TTC29: variants seen among roughly 807,000 people sequenced by gnomAD.
TTC29 encodes the protein tetratricopeptide repeat domain 29.
Under a neutral mutation model 58.1 loss-of-function variants are expected in TTC29, and 49 were observed. That is an observed-to-expected ratio of 0.84 (90% confidence interval 0.67 to 1.07). TTC29 has a LOEUF of 1.07. Ranked by LOEUF, TTC29 falls within the 50% of genes least tolerant of loss-of-function variation. The pLI is 0.00. For synonymous variants in TTC29, 209 were observed against 196.8 expected, an observed-to-expected ratio of 1.06 and a Z score of -0.52; for missense variants, 582 against 555.6, an observed-to-expected ratio of 1.05 and a Z score of -0.48.
chr4:146,828,883 C>T (rs543462497), intron 9 of TTC29, among the ~76,000 whole-genome samples: 47 of 152,300 alleles, frequency 3.1e-4, no homozygotes, highest in Admixed American at 7.8e-4. Context: ...GAAATATTAA[C>T]ATTATATGCT....
intron 11 of TTC29, among the ~76,000 whole-genome samples, chr4:146,718,558 C>T (rs1208247614): frequency 6.6e-6 from 1 of 152,002 alleles, no homozygotes; most frequent in Non-Finnish European, 1.5e-5. Context: ...AAAATTAGAC[C>T]ATTTGCTTTC....
At chr4:146,859,469 G>A (rs1024871446) in intron 8 of TTC29, among the ~76,000 whole-genome samples, 2 of 152,066 alleles carry the variant, frequency 1.3e-5, no homozygotes, top group African/African-American at 2.4e-5. Context: ...ATTAATGCAA[G>A]TGTATTTGCT....
chr4:146,872,212 G>A (rs976929531), intron 7 of TTC29, among the ~76,000 whole-genome samples: 2 of 151,694 alleles, frequency 1.3e-5, no homozygotes, highest in South Asian at 2.1e-4. Flanking sequence ...ATATGAAGTC[G>A]TACCCTCCTC....
chr4:146,729,883 A>G (rs1398692875), intron 11 of TTC29, among the ~76,000 whole-genome samples: 3 of 151,824 alleles, frequency 2.0e-5, no homozygotes, highest in African/African-American at 7.3e-5. Flanking sequence ...ATCCCCTCCC[A>G]CCATGACCCT....
intron 11 of TTC29, among the ~76,000 whole-genome samples, chr4:146,795,627 T>C (rs568305367): frequency 1.3e-5 from 2 of 152,096 alleles, no homozygotes; most frequent in African/African-American, 4.8e-5. Context: ...CATGAATATA[T>C]TTTTTCTAAA....
At chr4:146,781,908 T>C (rs1295832738) in intron 11 of TTC29, among the ~76,000 whole-genome samples, 1 of 151,884 alleles carries the variant, frequency 6.6e-6, no homozygotes, top group Non-Finnish European at 1.5e-5. Flanking sequence ...GGGATTCTGA[T>C]AGCCAAGAGA....
intron 11 of TTC29, among the ~76,000 whole-genome samples, chr4:146,797,858 A>ATATATATATATATATATATATATC (rs1749934816): frequency 1.4e-5 from 2 of 144,066 alleles, no homozygotes; most frequent in African/African-American, 5.3e-5. Context: ...ATATATATAT[A>ATATATATATATATATATATATATC]TATTCGTTCT....
chr4:146,939,696 T>C, intron 3 of TTC29, 108 bp downstream of exon 3: 7 of 1,074,402 alleles, frequency 6.5e-6, no homozygotes, highest in Non-Finnish European at 9.4e-6. Context: ...TAACAAGGCA[T>C]TTTTCTCTTC....
In TTC29 at chr4:146,874,854, T is replaced by C. The variant is rs1731156328; in HGVS notation, c.661A>G (p.Thr221Ala). 1 of 1,613,346 alleles carries C rather than the reference T, an allele frequency of 6.2e-7. No individual in the cohort carries two copies. The highest frequency in any genetic ancestry group is 1.3e-5 in the African/African-American group (1 of 74,898). Reference sequence around the variant, plus strand: ...GCCAACAAGTTGAGAGAGCGGCCTGTCTCATCCTTCCATATCCGCCCCTGT... The same window carrying C: ...GCCAACAAGTTGAGAGAGCGGCCTGCCTCATCCTTCCATATCCGCCCCTGT... Reference protein sequence around the residue: ...LTQGRIWKDETGRSLNLLACE... With the variant: ...LTQGRIWKDEAGRSLNLLACE... The change falls in exon 7 of 13, where the codon ACA becomes GCA. Residue 221 changes from threonine to alanine, a missense_variant. Transcript: ENST00000325106.
At chr4:146,908,835 C>T (rs1330981520) in intron 5 of TTC29, among the ~76,000 whole-genome samples, 191 bp downstream of exon 5, 3 of 152,182 alleles carry the variant, frequency 2.0e-5, no homozygotes, top group Non-Finnish European at 2.9e-5. Flanking sequence ...ACCAGAATGC[C>T]CCCGTGTCTG....
intron 11 of TTC29, among the ~76,000 whole-genome samples, chr4:146,788,500 C>T (rs1404209015): frequency 2.6e-5 from 4 of 152,070 alleles, no homozygotes; most frequent in African/African-American, 7.2e-5. Flanking sequence ...GCATGTGATT[C>T]GTAATATAGC....
At chr4:146,738,732 C>T (rs1744903571) in intron 11 of TTC29, among the ~76,000 whole-genome samples, 1 of 152,100 alleles carries the variant, frequency 6.6e-6, no homozygotes, top group Non-Finnish European at 1.5e-5. Flanking sequence ...TAATCTTACC[C>T]AGCCTTTGTG....
chr4:146,829,017 CA>C (rs1727989499), intron 9 of TTC29, among the ~76,000 whole-genome samples: 1 of 152,120 alleles, frequency 6.6e-6, no homozygotes, highest in African/African-American at 2.4e-5. Flanking sequence ...AGTTAAAGGA[CA>C]AGGTTAAAAT....
chr4:146,793,787 T>C (rs921443612), intron 11 of TTC29, among the ~76,000 whole-genome samples: 3 of 152,152 alleles, frequency 2.0e-5, no homozygotes, highest in Non-Finnish European at 4.4e-5. Flanking sequence ...AGCTGAAGTT[T>C]TTTAAAAAAG....
chr4:146,746,997 C>T (rs75209869), intron 11 of TTC29, among the ~76,000 whole-genome samples: 2,621 of 152,204 alleles, frequency 0.017, 74 homozygotes, highest in African/African-American at 0.06. Context: ...GGGAAGGAAA[C>T]ATGTCACCTC....
chr4:146,868,379 T>TA (rs1219170033), intron 7 of TTC29, among the ~76,000 whole-genome samples: 1 of 152,072 alleles, frequency 6.6e-6, no homozygotes, highest in East Asian at 1.9e-4. Flanking sequence ...TAATAATAAT[T>TA]AAAAAAAGCT....
At chr4:146,904,780 A>G (rs1450415928) in intron 5 of TTC29, among the ~76,000 whole-genome samples, 2 of 152,186 alleles carry the variant, frequency 1.3e-5, no homozygotes, top group African/African-American at 2.4e-5. Flanking sequence ...AGAGATTACA[A>G]TTATGAAAAA....
rs1409642448 is a variant in TTC29 at position 146,706,689 on chromosome 4, G to C, written c.*469C>G. The C allele has an allele frequency of 6.6e-6, 1 of 152,268 alleles. No individual in the cohort carries two copies. Among genetic ancestry groups the C allele is most frequent in the Non-Finnish European group, 1.5e-5 (1 of 68,178 alleles). 9.4% of individuals were successfully genotyped at this position (152,268 alleles called of 1,614,324 possible). On this transcript the variant is annotated 3_prime_UTR_variant, in exon 13 of 13. Coordinates refer to ENST00000325106, the MANE Select transcript of TTC29 (RefSeq NM_031956.4). ...GTATCATAAAATATACTGTTACACA[G>C]GTAAAGAAAACTGTTTCAAACAAGA...
intron 11 of TTC29, among the ~76,000 whole-genome samples, chr4:146,769,375 T>A (rs1028221732): frequency 6.6e-5 from 10 of 152,090 alleles, no homozygotes; most frequent in East Asian, 3.9e-4. Context: ...AGAATTTTTT[T>A]AAAAAATGGT....
Sources: allele counts gnomAD v4.1 joint callset (sites outside exome capture counted in the v4.1 genomes callset), GRCh38; gene constraint gnomAD v4.1.1; transcripts MANE v1.5; gene names NCBI Gene and HGNC (gene_info 2026-07-23, HGNC 2026-07-21).